The following EXPH5 variants were observed in gnomAD, a reference collection of about 807,000 sequenced individuals.
EXPH5 encodes exophilin 5, also known as exophilin-5.
In EXPH5, 42 loss-of-function variants were observed where a neutral mutation model predicts 41.1. The ratio of observed to expected loss-of-function variants is 1.02; its 90% confidence interval spans 0.80 to 1.32. EXPH5 has a LOEUF of 1.32. Ranked by LOEUF, EXPH5 falls within the 40% of genes most tolerant of loss-of-function variation. The probability of loss-of-function intolerance (pLI) is 0.00; values close to 1 mark genes in which losing one functional copy is unlikely to be tolerated. For synonymous variants in EXPH5, 798 were observed against 833.5 expected (o/e 0.96, Z 0.73); for missense variants, 2,298 against 2,314.5 (o/e 0.99, Z 0.15).
intron 1 of EXPH5, among the ~76,000 whole-genome samples, chr11:108,584,459 CAAAG>C (rs2094107670): frequency 6.7e-6 from 1 of 150,170 alleles, no homozygotes; most frequent in Non-Finnish European, 1.5e-5. Flanking sequence ...GCTTAGGCGA[CAAAG>C]AGAGACCCTG....
intron 1 of EXPH5, among the ~76,000 whole-genome samples, chr11:108,571,204 G>A (rs1434030441): frequency 6.6e-6 from 1 of 152,198 alleles, no homozygotes; most frequent in Non-Finnish European, 1.5e-5. Context: ...ACCTTTTAAA[G>A]ACTTGCCTGG....
chr11:108,548,153 C>G (rs1043395856), intron 1 of EXPH5, among the ~76,000 whole-genome samples: 10 of 139,306 alleles, frequency 7.2e-5, no homozygotes, highest in Non-Finnish European at 3.1e-5. Context: ...TCTCAGAGTT[C>G]TTTACTGGAA....
chr11:108,557,136 A>G (rs1367956871), intron 1 of EXPH5, among the ~76,000 whole-genome samples: 1 of 152,246 alleles, frequency 6.6e-6, no homozygotes, highest in Admixed American at 6.5e-5. Flanking sequence ...TGGCCCTCCA[A>G]AATAGATTAT....
intron 1 of EXPH5, among the ~76,000 whole-genome samples, chr11:108,587,263 C>T (rs1437903154): frequency 6.6e-6 from 1 of 152,226 alleles, no homozygotes; most frequent in African/African-American, 2.4e-5. Context: ...CCTTACTAAA[C>T]TTAACCTGAC....
At chr11:108,583,723 G>A (rs923162936) in intron 1 of EXPH5, among the ~76,000 whole-genome samples, 3 of 151,494 alleles carry the variant, frequency 2.0e-5, no homozygotes, top group Non-Finnish European at 4.4e-5. Flanking sequence ...AGCTAACATC[G>A]TAGTTCATAG....
At position 108,539,156 on chromosome 11, in the gene EXPH5, T is replaced by C. The variant is rs756698450; in HGVS notation, c.311A>G (p.Lys104Arg). 1.2e-6 allele frequency: 2 copies of C among 1,606,944 alleles called. No homozygotes were observed. The highest frequency in any genetic ancestry group is 2.2e-5 in the East Asian group (1 of 44,828). The change falls in exon 3 of 6, where the codon AAA becomes AGA. Residue 104 changes from lysine (K) to arginine (R), a missense_variant. Physicochemically the swap from Lys to Arg is conservative, Grantham distance 26 (BLOSUM62 2). Coordinates refer to ENST00000265843, the MANE Select transcript of EXPH5 (RefSeq NM_015065.3). ...CGGCTTTTTTTGATTAGTTACATTT[T>C]TAGATCTTGATGTAGGTAATTCTAT... Reference protein sequence around the residue: ...DPIELPTSRSKNVTNQKKPTP... With the variant: ...DPIELPTSRSRNVTNQKKPTP...
intron 1 of EXPH5, among the ~76,000 whole-genome samples, chr11:108,569,672 G>A (rs1488549888): frequency 1.3e-5 from 2 of 152,128 alleles, no homozygotes; most frequent in African/African-American, 2.4e-5. Flanking sequence ...CCTCCTTCAC[G>A]GCATTGAAAG....
chr11:108,580,631 A>C (rs2094095157), intron 1 of EXPH5, among the ~76,000 whole-genome samples: 2 of 152,226 alleles, frequency 1.3e-5, no homozygotes, highest in South Asian at 4.1e-4. Flanking sequence ...CACTATTCAC[A>C]ATAGCCTAGA....
chr11:108,533,805 CT>C (rs998801733), intron 3 of EXPH5, among the ~76,000 whole-genome samples: 1 of 151,828 alleles, frequency 6.6e-6, no homozygotes, highest in African/African-American at 2.4e-5. Context: ...AAAATGTTTT[CT>C]TTTTATTGAG....
intron 1 of EXPH5, among the ~76,000 whole-genome samples, chr11:108,558,831 G>A (rs1476130132): frequency 1.3e-5 from 2 of 152,230 alleles, no homozygotes; most frequent in Non-Finnish European, 2.9e-5. Flanking sequence ...TCATGTGACA[G>A]CTATGATGCT....
intron 1 of EXPH5, chr11:108,552,017 C>A (rs1461108105): frequency 6.6e-6 from 1 of 152,148 alleles, no homozygotes; most frequent in Non-Finnish European, 1.5e-5. Flanking sequence ...CCAAGAGACT[C>A]ACCATCTGGG....
chr11:108,556,559 G>A (rs1004155387), intron 1 of EXPH5, among the ~76,000 whole-genome samples: 1 of 152,108 alleles, frequency 6.6e-6, no homozygotes, highest in Non-Finnish European at 1.5e-5. Context: ...CGCAACCTCT[G>A]CCTCCTAGGT....
At chr11:108,585,866 G>A (rs772821810) in intron 1 of EXPH5, among the ~76,000 whole-genome samples, 15 of 152,246 alleles carry the variant, frequency 9.9e-5, no homozygotes, top group Admixed American at 3.9e-4. Flanking sequence ...AAGGATAAAC[G>A]AACTGTAGTA....
chr11:108,568,404 T>A (rs2094044769), intron 1 of EXPH5, among the ~76,000 whole-genome samples: 1 of 152,050 alleles, frequency 6.6e-6, no homozygotes, highest in Non-Finnish European at 1.5e-5. Context: ...GTCAGGTGGC[T>A]GCTCTCAGCT....
chr11:108,595,405 G>A (rs1335940306), upstream of EXPH5, among the ~76,000 whole-genome samples: 1 of 152,200 alleles, frequency 6.6e-6, no homozygotes, highest in Non-Finnish European at 1.5e-5. Context: ...AGAAATAGGG[G>A]GTGGTGGGAG....
At chr11:108,543,377 C>G (rs2093922620) in intron 1 of EXPH5, among the ~76,000 whole-genome samples, 1 of 152,106 alleles carries the variant, frequency 6.6e-6, no homozygotes, top group African/African-American at 2.4e-5. Flanking sequence ...GGTGCCTAAT[C>G]CAGAGGGAGA....
chr11:108,593,650 G>T lies in EXPH5; in HGVS notation c.-114C>A. 1 of 1,587,986 alleles carries T rather than the reference G, an allele frequency of 6.3e-7. No homozygotes were observed. Among genetic ancestry groups the T allele is most frequent in the Non-Finnish European group, 8.6e-7 (1 of 1,165,386 alleles). ...AACTTGATCCCACAGCCAATAATAA[G>T]TCCGCCCCTTTGAAAGTCTAAAACC... On this transcript the variant is annotated 5_prime_UTR_variant, in exon 1 of 6. Transcript: ENST00000265843.
At chr11:108,539,755 C>A (rs1167001539) in intron 2 of EXPH5, among the ~76,000 whole-genome samples, 2 of 151,908 alleles carry the variant, frequency 1.3e-5, no homozygotes. Flanking sequence ...CAAAAATTTC[C>A]CCAAAATCCA....
At chr11:108,561,839 G>A (rs574040811) in intron 1 of EXPH5, among the ~76,000 whole-genome samples, 15 of 152,190 alleles carry the variant, frequency 9.9e-5, no homozygotes, top group Non-Finnish European at 7.3e-5. Context: ...TGAACAGGAG[G>A]AAGCTATGGG....
Sources: gnomAD v4.1 joint callset for allele counts (sites outside exome capture counted in the v4.1 genomes callset) on GRCh38, gnomAD v4.1.1 for gene constraint, MANE v1.5 for transcripts, NCBI Gene and HGNC (gene_info 2026-07-23, HGNC 2026-07-21) for gene names.